The following ROR1 variants were observed in gnomAD, a reference collection of about 807,000 sequenced individuals.
ROR1 encodes inactive tyrosine-protein kinase transmembrane receptor ROR1.
In ROR1, 19 loss-of-function variants were observed where a neutral mutation model predicts 78.8. The ratio of observed to expected loss-of-function variants is 0.24; its 90% confidence interval spans 0.17 to 0.35. The LOEUF (loss-of-function observed/expected upper bound fraction) is 0.35. ROR1 is among the 10% of genes least tolerant of loss of function. The pLI, the probability that ROR1 is intolerant of heterozygous loss-of-function variation, is 1.00. For missense variants in ROR1, 917 were observed against 1,177.8 expected, an observed-to-expected ratio of 0.78 and a Z score of 3.24; for synonymous variants, 386 against 433.6, an observed-to-expected ratio of 0.89 and a Z score of 1.36.
intron 1 of ROR1, among the ~76,000 whole-genome samples, chr1:63,911,279 G>C (rs1437548838): frequency 6.6e-6 from 1 of 152,060 alleles, no homozygotes; most frequent in Non-Finnish European, 1.5e-5. Flanking sequence ...GCATAACAAT[G>C]ACCACCTCTT....
chr1:64,036,434 T>A (rs1282276019), intron 2 of ROR1, among the ~76,000 whole-genome samples: 1 of 152,224 alleles, frequency 6.6e-6, no homozygotes, highest in Non-Finnish European at 1.5e-5. Flanking sequence ...CTAACTTTGC[T>A]AGCCCACGAT....
At chr1:63,820,359 C>G (rs1569767951) in intron 1 of ROR1, among the ~76,000 whole-genome samples, 1 of 152,164 alleles carries the variant, frequency 6.6e-6, no homozygotes. Context: ...CCACAAAGAA[C>G]AGTGTTCAGT....
intron 4 of ROR1, 37 bp from the exon 5 acceptor site, chr1:64,137,332 G>C (rs200750530): frequency 7.3e-5 from 117 of 1,612,020 alleles, no homozygotes; most frequent in Admixed American, 1.0e-4. Flanking sequence ...GTATGTATGT[G>C]GTGCATCAGC....
At chr1:64,176,233 A>G (rs1034757545) in intron 8 of ROR1, among the ~76,000 whole-genome samples, 8 of 152,234 alleles carry the variant, frequency 5.3e-5, no homozygotes, top group African/African-American at 1.7e-4. Context: ...ATACGTTGGT[A>G]TGAAGGGCAG....
chr1:63,902,647 A>G (rs1188499993), intron 1 of ROR1, among the ~76,000 whole-genome samples: 2 of 152,156 alleles, frequency 1.3e-5, no homozygotes, highest in African/African-American at 2.4e-5. Flanking sequence ...TTATAAATCT[A>G]GCTCCATCAC....
At chr1:64,016,908 A>G (rs995626277) in intron 2 of ROR1, among the ~76,000 whole-genome samples, 1 of 151,332 alleles carries the variant, frequency 6.6e-6, no homozygotes, top group Non-Finnish European at 1.5e-5. Flanking sequence ...CGAAAAACAC[A>G]TAGGGATTAT....
chr1:63,899,875 GGGA>G (rs1290892350), intron 1 of ROR1, among the ~76,000 whole-genome samples: 6 of 151,842 alleles, frequency 4.0e-5, no homozygotes, highest in Non-Finnish European at 8.8e-5. Flanking sequence ...CCAGGTAAAA[GGGA>G]GGGAGGAACT....
At chr1:63,910,049 T>C (rs7556316) in intron 1 of ROR1, among the ~76,000 whole-genome samples, 1 of 152,130 alleles carries the variant, frequency 6.6e-6, no homozygotes, top group African/African-American at 2.4e-5. Context: ...GCACTTAATC[T>C]ATTATATAAT....
At chr1:64,147,871 C>T (rs1649515762) in intron 7 of ROR1, among the ~76,000 whole-genome samples, 1 of 152,102 alleles carries the variant, frequency 6.6e-6, no homozygotes, top group Admixed American at 6.6e-5. Flanking sequence ...GAACATTTGG[C>T]AATTTCTGGA....
chr1:63,792,859 T>C (rs1161426943), intron 1 of ROR1, among the ~76,000 whole-genome samples: 1 of 152,214 alleles, frequency 6.6e-6, no homozygotes, highest in Non-Finnish European at 1.5e-5. Flanking sequence ...AGTATCCAGT[T>C]GAATTAAGTA....
chr1:63,788,089 T>G (rs1255063315), intron 1 of ROR1, among the ~76,000 whole-genome samples: 1 of 152,192 alleles, frequency 6.6e-6, no homozygotes, highest in East Asian at 1.9e-4. Flanking sequence ...TCCACCTCCC[T>G]GGGGTTTCCT....
At chr1:63,943,092 TTAA>T (rs1462369889) in intron 1 of ROR1, among the ~76,000 whole-genome samples, 2 of 80,560 alleles carry the variant, frequency 2.5e-5, no homozygotes, top group African/African-American at 7.9e-5. Context: ...AACCCTGTCT[TTAA>T]AAAAAAAAAA....
At chr1:63,911,957 G>A (rs1645573782) in intron 1 of ROR1, among the ~76,000 whole-genome samples, 1 of 152,042 alleles carries the variant, frequency 6.6e-6, no homozygotes, top group African/African-American at 2.4e-5. Flanking sequence ...CCACGTGTGT[G>A]TGGAGGTGCT....
At chr1:64,022,180 T>C (rs1199582350) in intron 2 of ROR1, among the ~76,000 whole-genome samples, 1 of 152,200 alleles carries the variant, frequency 6.6e-6, no homozygotes, top group African/African-American at 2.4e-5. Context: ...ATGTGAAATA[T>C]TCAGAAGAGG....
intron 1 of ROR1, among the ~76,000 whole-genome samples, chr1:63,848,411 T>G (rs562818469): frequency 1.3e-5 from 2 of 152,242 alleles, no homozygotes; most frequent in Non-Finnish European, 2.9e-5. Context: ...TCAGTTTGAA[T>G]CCTTCTTTTG....
intron 1 of ROR1, among the ~76,000 whole-genome samples, chr1:63,954,942 A>T (rs984605714): frequency 6.6e-6 from 1 of 152,222 alleles, no homozygotes; most frequent in Non-Finnish European, 1.5e-5. Context: ...AACGAAAAAC[A>T]TGGAAGATAG....
chr1:64,148,446 G>A (rs934994598), intron 7 of ROR1, among the ~76,000 whole-genome samples: 1 of 152,298 alleles, frequency 6.6e-6, no homozygotes. Flanking sequence ...TCCTGAATGA[G>A]ACAGAGTCTC....
chr1:63,819,109 G>A (rs1297973455), intron 1 of ROR1, among the ~76,000 whole-genome samples: 3 of 152,162 alleles, frequency 2.0e-5, no homozygotes, highest in Non-Finnish European at 4.4e-5. Flanking sequence ...AGGGGGTGGG[G>A]AGATGTTCTG....
intron 2 of ROR1, among the ~76,000 whole-genome samples, chr1:64,029,505 CA>C (rs1276230398): frequency 6.6e-6 from 1 of 152,180 alleles, no homozygotes; most frequent in East Asian, 1.9e-4. Context: ...GTGACTTAAA[CA>C]ACAGAAATGT....
Sources: allele counts gnomAD v4.1 joint callset (sites outside exome capture counted in the v4.1 genomes callset), GRCh38; gene constraint gnomAD v4.1.1; transcripts MANE v1.5; gene names NCBI Gene and HGNC (gene_info 2026-07-23, HGNC 2026-07-21).